Variants in MACROD2 observed in about 807,000 individuals in gnomAD.
The protein encoded by MACROD2 is mono-ADP ribosylhydrolase 2.
Under a neutral mutation model 70.4 loss-of-function variants are expected in MACROD2, and 36 were observed. The observed-to-expected ratio is 0.51, with a 90% CI of 0.39 to 0.68. MACROD2 has a LOEUF of 0.68. MACROD2 is among the 30% of genes least tolerant of loss of function. The pLI, the probability that MACROD2 is intolerant of heterozygous loss-of-function variation, is 0.00. For synonymous variants in MACROD2, 172 were observed against 178.8 expected, an observed-to-expected ratio of 0.96 and a Z score of 0.30; for missense variants, 496 against 538.4, an observed-to-expected ratio of 0.92 and a Z score of 0.78.
At chr20:14,155,016 C>T (rs2055079986) in intron 3 of MACROD2, among the ~76,000 whole-genome samples, 1 of 152,134 alleles carries the variant, frequency 6.6e-6, no homozygotes, top group Non-Finnish European at 1.5e-5. Context: ...AAGAAGGGAG[C>T]CTTGGGGAGG....
At chr20:15,869,238 T>TATATATATATATATATAGAG in intron 9 of MACROD2, among the ~76,000 whole-genome samples, 3 of 28,296 alleles carry the variant, frequency 1.1e-4, no homozygotes, top group East Asian at 9.4e-4. Context: ...TATATATATA[T>TATATATATATATATATAGAG]AGAGAGAGAG....
chr20:15,591,250 G>C (rs910327955), intron 8 of MACROD2, among the ~76,000 whole-genome samples: 1 of 152,206 alleles, frequency 6.6e-6, no homozygotes, highest in African/African-American at 2.4e-5. Context: ...AGCTGGGAAA[G>C]TGATAGTGTG....
At chr20:15,950,976 C>G (rs553276221) in intron 12 of MACROD2, among the ~76,000 whole-genome samples, 82 of 152,106 alleles carry the variant, frequency 5.4e-4, no homozygotes, top group African/African-American at 1.7e-3. Context: ...AAAAGTCATA[C>G]AAAACACAGT....
chr20:14,637,777 T>G (rs1270949046), intron 4 of MACROD2, among the ~76,000 whole-genome samples: 1 of 152,220 alleles, frequency 6.6e-6, no homozygotes, highest in Non-Finnish European at 1.5e-5. Flanking sequence ...TTCCAAATTT[T>G]TTCTCTTCGA....
intron 6 of MACROD2, among the ~76,000 whole-genome samples, chr20:15,357,798 CTTTTTTTTTT>C (rs200860242): frequency 5.9e-5 from 8 of 135,640 alleles, no homozygotes; most frequent in African/African-American, 2.2e-4. Flanking sequence ...TTCATTCATT[CTTTTTTTTTT>C]TTTTTTTTTT....
chr20:14,953,783 T>C (rs1433313607), intron 5 of MACROD2, among the ~76,000 whole-genome samples: 1 of 152,168 alleles, frequency 6.6e-6, no homozygotes, highest in Non-Finnish European at 1.5e-5. Flanking sequence ...CTTCTGGTTT[T>C]ACAAATTGCA....
chr20:15,156,990 C>T lies in MACROD2; in HGVS notation c.419-72950C>T, dbSNP rs540472544. Among the ~76,000 whole-genome samples the T allele has an allele frequency of 5.8e-4, 89 of 152,312 alleles. 2 individuals carry two copies. The South Asian group carries it at 0.017, about 29-fold the overall frequency. ...GTTGTGAGCTTTTATGTGATTTCAGCGCTAAGCTGGTCAAATATGTTACAA... is the reference window on the plus strand; with the variant it reads ...GTTGTGAGCTTTTATGTGATTTCAGTGCTAAGCTGGTCAAATATGTTACAA... On this transcript the variant is annotated intron_variant, in intron 5 of 17. Transcript: ENST00000684519.
At chr20:14,054,119 G>A (rs2148651008) in intron 2 of MACROD2, among the ~76,000 whole-genome samples, 1 of 150,556 alleles carries the variant, frequency 6.6e-6, no homozygotes, top group South Asian at 2.1e-4. Context: ...ATTGTAATTG[G>A]TTGTTTACTT....
chr20:14,883,212 G>A (rs1461643170), intron 5 of MACROD2, among the ~76,000 whole-genome samples: 1 of 152,102 alleles, frequency 6.6e-6, no homozygotes, highest in African/African-American at 2.4e-5. Context: ...GGAAATGCTG[G>A]TAATTAATAG....
At chr20:14,309,639 G>T (rs751237349) in intron 3 of MACROD2, among the ~76,000 whole-genome samples, 3 of 152,014 alleles carry the variant, frequency 2.0e-5, no homozygotes, top group Admixed American at 6.6e-5. Flanking sequence ...CCAAATTCAC[G>T]CATTTAGCCA....
intron 5 of MACROD2, among the ~76,000 whole-genome samples, chr20:15,045,481 C>T (rs995914551): frequency 5.3e-5 from 8 of 152,064 alleles, no homozygotes; most frequent in Admixed American, 2.6e-4. Context: ...CTCCACGTTG[C>T]GCGGAAAACA....
intron 6 of MACROD2, among the ~76,000 whole-genome samples, chr20:15,347,971 C>A (rs1221611950): frequency 6.6e-6 from 1 of 152,196 alleles, no homozygotes; most frequent in Non-Finnish European, 1.5e-5. Context: ...ATTTTCCTTG[C>A]AAGTATGTCA....
intron 3 of MACROD2, among the ~76,000 whole-genome samples, chr20:14,155,952 G>A (rs1601290283): frequency 6.6e-6 from 1 of 152,208 alleles, no homozygotes; most frequent in South Asian, 2.1e-4. Flanking sequence ...GCTTGAGCCT[G>A]GGAATTTGAG....
chr20:14,403,314 A>G (rs1257189345), intron 3 of MACROD2, among the ~76,000 whole-genome samples: 1 of 152,166 alleles, frequency 6.6e-6, no homozygotes, highest in Admixed American at 6.5e-5. Flanking sequence ...TTTACAAAAA[A>G]TTGTTAATTT....
At chr20:14,838,627 G>A (rs1050577112) in intron 5 of MACROD2, among the ~76,000 whole-genome samples, 9 of 152,066 alleles carry the variant, frequency 5.9e-5, no homozygotes, top group African/African-American at 2.2e-4. Flanking sequence ...AATAAATTTT[G>A]AAAAGCAGAT....
chr20:15,518,053 T>C (rs1359425324), intron 8 of MACROD2, among the ~76,000 whole-genome samples: 1 of 152,216 alleles, frequency 6.6e-6, no homozygotes, highest in African/African-American at 2.4e-5. Context: ...GCCATAAAGC[T>C]AGACTCCTGA....
chr20:15,282,920 T>A (rs1193028807), intron 6 of MACROD2, among the ~76,000 whole-genome samples: 1 of 152,196 alleles, frequency 6.6e-6, no homozygotes, highest in African/African-American at 2.4e-5. Flanking sequence ...GAAAGAGGTT[T>A]AATTGACTCA....
intron 5 of MACROD2, among the ~76,000 whole-genome samples, chr20:15,207,625 T>G (rs1055465845): frequency 6.6e-6 from 1 of 151,826 alleles, no homozygotes. Context: ...GTATTTTCAG[T>G]AGAGACGGGG....
intron 4 of MACROD2, among the ~76,000 whole-genome samples, chr20:14,591,117 A>G (rs1267125962): frequency 6.6e-6 from 1 of 152,242 alleles, no homozygotes; most frequent in Admixed American, 6.5e-5. Flanking sequence ...TTATGAGTGT[A>G]TTTTAATTAT....
Sources: gnomAD v4.1 joint callset for allele counts (sites outside exome capture counted in the v4.1 genomes callset) on GRCh38, gnomAD v4.1.1 for gene constraint, MANE v1.5 for transcripts, NCBI Gene and HGNC (gene_info 2026-07-23, HGNC 2026-07-21) for gene names.